The following HECW2 variants were observed in gnomAD, a reference collection of about 807,000 sequenced individuals.
HECW2 encodes HECT, C2 and WW domain containing E3 ubiquitin protein ligase 2, also known as E3 ubiquitin-protein ligase HECW2.
In HECW2, 61 loss-of-function variants were observed where a neutral mutation model predicts 175.2. The observed-to-expected ratio is 0.35, with a 90% CI of 0.28 to 0.43. The LOEUF is 0.43. Ranked by LOEUF, HECW2 falls within the 20% of genes least tolerant of loss-of-function variation. The probability of loss-of-function intolerance (pLI) is 1.00; values close to 1 mark genes in which losing one functional copy is unlikely to be tolerated. For synonymous variants in HECW2, 671 were observed against 731.0 expected (o/e 0.92, Z 1.32); for missense variants, 1,524 against 2,000.5 (o/e 0.76, Z 4.54).
intron 1 of HECW2, among the ~76,000 whole-genome samples, chr2:196,495,279 G>A (rs147621569): frequency 4.0e-4 from 61 of 152,028 alleles, no homozygotes; most frequent in African/African-American, 1.1e-3. Flanking sequence ...TGTTCGCCAG[G>A]CTGGTCTCAA....
chr2:196,571,946 T>C (rs997598985), intron 1 of HECW2, among the ~76,000 whole-genome samples: 3 of 152,146 alleles, frequency 2.0e-5, no homozygotes, highest in African/African-American at 7.2e-5. Context: ...AATATTTCAG[T>C]CTTACAAGGG....
chr2:196,390,315 G>A (rs560305893), intron 2 of HECW2, among the ~76,000 whole-genome samples: 12 of 152,230 alleles, frequency 7.9e-5, no homozygotes, highest in Admixed American at 2.0e-4. Context: ...TTTAAAGATC[G>A]GAGAACCTTC....
At position 196,200,268 on chromosome 2, in the gene HECW2, A is replaced by G. The variant is rs116591890; in HGVS notation, c.*1009T>C. 619 of 152,714 alleles carry G rather than the reference A, an allele frequency of 4.1e-3. 2 individuals are homozygous for G. Among genetic ancestry groups the G allele is most frequent in the Non-Finnish European group, 6.8e-3 (462 of 67,998 alleles). 9.5% of individuals were successfully genotyped at this position (152,714 alleles called of 1,614,324 possible). A position where few individuals can be genotyped will look rare whatever the true frequency, so the allele number is the denominator to read the frequency against. On this transcript the variant is annotated 3_prime_UTR_variant, in exon 29 of 29. Coordinates refer to ENST00000644978, the MANE Select transcript of HECW2 (RefSeq NM_001348768.2). ...CTTCTCAAGTGATGGAGTTGCTGTT[A>G]GTCATATTGTAATGTCCCTTCACCT...
At chr2:196,465,311 C>T (rs1453666424) in intron 1 of HECW2, among the ~76,000 whole-genome samples, 1 of 152,134 alleles carries the variant, frequency 6.6e-6, no homozygotes, top group East Asian at 1.9e-4. Context: ...TAGTCTCCTT[C>T]CAGATTCAGA....
intron 2 of HECW2, among the ~76,000 whole-genome samples, chr2:196,359,400 G>C (rs1034138218): frequency 6.6e-6 from 1 of 152,050 alleles, no homozygotes; most frequent in Non-Finnish European, 1.5e-5. Flanking sequence ...GTGAGCCGAG[G>C]TGGTGCCACT....
chr2:196,463,594 AT>A (rs1559125522), intron 1 of HECW2, among the ~76,000 whole-genome samples: 3 of 152,116 alleles, frequency 2.0e-5, no homozygotes, highest in African/African-American at 7.2e-5. Flanking sequence ...GAAAGTGCTA[AT>A]TTTTTCATCA....
At chr2:196,557,803 T>C (rs1397949544) in intron 1 of HECW2, among the ~76,000 whole-genome samples, 1 of 152,200 alleles carries the variant, frequency 6.6e-6, no homozygotes, top group African/African-American at 2.4e-5. Context: ...AACAGAAGGC[T>C]GGGAAGATGT....
At chr2:196,521,300 A>G (rs1688368911) in intron 1 of HECW2, among the ~76,000 whole-genome samples, 1 of 148,086 alleles carries the variant, frequency 6.8e-6, no homozygotes, top group East Asian at 1.9e-4. Context: ...AAAAAAAAAA[A>G]AAAAAAAGAA....
At chr2:196,572,865 TC>T (rs1300807788) in intron 1 of HECW2, among the ~76,000 whole-genome samples, 1 of 152,204 alleles carries the variant, frequency 6.6e-6, no homozygotes, top group African/African-American at 2.4e-5. Context: ...CTGCTGGCAC[TC>T]TGATCTTGGT....
In HECW2 at chr2:196,318,633, G is replaced by C; in HGVS notation, c.2257C>G (p.Pro753Ala). 1 of 1,593,050 alleles carries C rather than the reference G, an allele frequency of 6.3e-7. No homozygotes were observed. The highest frequency in any genetic ancestry group is 1.1e-5 in the South Asian group (1 of 87,584). Reference protein sequence around the residue: ...LEGAAAAAESPPQEEGSAGEA... With the variant: ...LEGAAAAAESAPQEEGSAGEA... ...CCAGCACTGCCTTCTTCTTGCGGTG[G>C]GCTCTCGGCAGCAGCTGCAGCTCCC... is the stretch of plus-strand genomic sequence containing the variant. The change falls in exon 9 of 29, where the codon CCA (proline) becomes GCA (alanine). Residue 753 changes from proline (P) to alanine (A), a missense_variant. By Grantham distance (27) the Pro-to-Ala change is conservative. Around this residue, in one of 11 missense-constraint regions of HECW2, gnomAD observed 604 missense variants for 588.3 expected, o/e 1.03. Coordinates refer to ENST00000644978, the MANE Select transcript of HECW2 (RefSeq NM_001348768.2).
chr2:196,491,535 CAT>C (rs1687198289), intron 1 of HECW2, among the ~76,000 whole-genome samples: 1 of 149,718 alleles, frequency 6.7e-6, no homozygotes, highest in African/African-American at 2.5e-5. Flanking sequence ...CATATACACA[CAT>C]ATATATGTAT....
chr2:196,272,773 A>G (rs923578371), intron 16 of HECW2, among the ~76,000 whole-genome samples: 4 of 152,172 alleles, frequency 2.6e-5, no homozygotes, highest in Admixed American at 2.6e-4. Context: ...ACACTTGGAT[A>G]ATTATTGAAT....
chr2:196,244,440 T>A (rs960788428), intron 19 of HECW2, among the ~76,000 whole-genome samples: 9 of 152,186 alleles, frequency 5.9e-5, no homozygotes, highest in Non-Finnish European at 1.5e-5. Context: ...ATTTGGGAAA[T>A]CTTGCAATGA....
intron 1 of HECW2, among the ~76,000 whole-genome samples, chr2:196,532,017 G>A (rs567410803): frequency 9.8e-4 from 150 of 152,322 alleles, no homozygotes; most frequent in Non-Finnish European, 2.0e-3. Flanking sequence ...GCAGCACCTA[G>A]CAATGTGCCC....
intron 15 of HECW2, among the ~76,000 whole-genome samples, chr2:196,275,514 G>A (rs900515222): frequency 1.3e-5 from 2 of 152,150 alleles, no homozygotes; most frequent in Non-Finnish European, 2.9e-5. Flanking sequence ...AGCACTTTGG[G>A]TGGCCAAGGC....
chr2:196,574,044 A>G (rs1158153706), intron 1 of HECW2, among the ~76,000 whole-genome samples: 1 of 152,144 alleles, frequency 6.6e-6, no homozygotes, highest in East Asian at 1.9e-4. Flanking sequence ...TACAAAATCA[A>G]CATTATAAAA....
chr2:196,478,649 T>C (rs1416081296), intron 1 of HECW2, among the ~76,000 whole-genome samples: 3 of 151,830 alleles, frequency 2.0e-5, no homozygotes, highest in Admixed American at 6.6e-5. Flanking sequence ...AAAAAAAGTA[T>C]GTCAAAAGAG....
At chr2:196,201,995 C>T (rs2105755430) in intron 28 of HECW2, among the ~76,000 whole-genome samples, 1 of 152,218 alleles carries the variant, frequency 6.6e-6, no homozygotes, top group East Asian at 1.9e-4. Context: ...ACAAAATAAG[C>T]AATTTAAATC....
rs1372177672 is a variant in HECW2, at chr2:196,433,342, G to A, written c.82C>T (p.Leu28Phe). Residue 28 changes from leucine to phenylalanine, a missense_variant, in exon 2 of 29, where the codon CTC becomes TTC. Leu to Phe is a conservative substitution (Grantham distance 22). Around this residue, in one of 11 missense-constraint regions of HECW2, gnomAD observed 135 missense variants for 214.6 expected, o/e 0.63. Transcript: ENST00000644978. ...QMRYTLSPEN[L>F]QSLAAQSSMP... Reference sequence around the variant, plus strand: ...GAGCTCTGGGCGGCAAGGCTCTGGAGGTTCTCTGGGCTCAATGTGTACCGC... The same window carrying A: ...GAGCTCTGGGCGGCAAGGCTCTGGAAGTTCTCTGGGCTCAATGTGTACCGC... 1.2e-6 allele frequency: 2 copies of A among 1,614,164 alleles called. No homozygotes were observed. The highest frequency in any genetic ancestry group is 1.7e-6 in the Non-Finnish European group (2 of 1,180,018).
Sources: allele counts gnomAD v4.1 joint callset (sites outside exome capture counted in the v4.1 genomes callset), GRCh38; gene constraint gnomAD v4.1.1; regional missense constraint gnomAD v4.1.1; transcripts MANE v1.5; gene names NCBI Gene and HGNC (gene_info 2026-07-23, HGNC 2026-07-21).